Variants in ZBTB5 observed in about 807,000 individuals in gnomAD.
ZBTB5 encodes the protein zinc finger and BTB domain containing 5, also known as zinc finger and BTB domain-containing protein 5.
A neutral mutation model predicts 37.9 loss-of-function variants in ZBTB5; 15 were observed. The observed-to-expected ratio is 0.40, with a 90% CI of 0.26 to 0.61. The LOEUF (loss-of-function observed/expected upper bound fraction) is 0.61, where lower values mean the gene tolerates loss of function less well. Among genes scored for constraint, ZBTB5 ranks in the 20% least tolerant of loss-of-function variants. The pLI, the probability that ZBTB5 is intolerant of heterozygous loss-of-function variation, is 0.47. For synonymous variants in ZBTB5, 315 were observed against 312.4 expected (o/e 1.01, Z -0.09); for missense variants, 708 against 856.8 (o/e 0.83, Z 2.17).
chr9:37,442,631 A>T, intron 1 of ZBTB5, 76 bp from the exon 2 acceptor site: 1 of 1,235,962 alleles, frequency 8.1e-7, no homozygotes, highest in Non-Finnish European at 1.1e-6. Context: ...TATGATGAAA[A>T]GAGTGGAATG....
chr9:37,448,959 G>A (rs1020139304), intron 1 of ZBTB5, among the ~76,000 whole-genome samples: 29 of 151,496 alleles, frequency 1.9e-4, no homozygotes, highest in Admixed American at 4.0e-4. Context: ...CAGGAGAATC[G>A]CTTGAACCCA....
At chr9:37,456,889 C>A (rs1235839404) in intron 1 of ZBTB5, among the ~76,000 whole-genome samples, 1 of 152,102 alleles carries the variant, frequency 6.6e-6, no homozygotes, top group Non-Finnish European at 1.5e-5. Context: ...CAGCCAAAAA[C>A]CAGAAGAAAA....
In ZBTB5 at chr9:37,440,376, T is replaced by C; in HGVS notation, c.*142A>G. On this transcript the variant is annotated 3_prime_UTR_variant, in exon 2 of 2. Coordinates refer to ENST00000307750, the MANE Select transcript of ZBTB5 (RefSeq NM_014872.3). ...GAAATGCAGCAGCACAAATACTACA[T>C]GTTAGTTCTCCGGTTATTAGTTGCT... The C allele has an allele frequency of 1.5e-6, 1 of 661,138 alleles. No homozygotes were observed. The allele number at this position is 661,138 out of a possible 1,614,324, so 41.0% of individuals were successfully genotyped here.
intron 1 of ZBTB5, among the ~76,000 whole-genome samples, chr9:37,442,832 TTAG>T (rs1823910448): frequency 1.3e-5 from 2 of 152,190 alleles, no homozygotes; most frequent in Admixed American, 1.3e-4. Context: ...AGGGTCTAAA[TTAG>T]TAAAGACCAG....
rs955595973 is a variant in ZBTB5 at position 37,440,348 on chromosome 9, T to C, written c.*170A>G. ...CCCTTTCCCAAGACGTGCACTTCACTCAGAAATGCAGCAGCACAAATACTA... is the reference window on the plus strand; with the variant it reads ...CCCTTTCCCAAGACGTGCACTTCACCCAGAAATGCAGCAGCACAAATACTA... On this transcript the variant is annotated 3_prime_UTR_variant, in exon 2 of 2. Coordinates refer to ENST00000307750, the MANE Select transcript of ZBTB5 (RefSeq NM_014872.3). 3.2e-6 allele frequency: 2 copies of C among 616,822 alleles called. No homozygotes were observed. Among genetic ancestry groups the C allele is most frequent in the African/African-American group, 3.7e-5 (2 of 54,188 alleles). The allele number at this position is 616,822 out of a possible 1,614,324, so 38.2% of individuals were successfully genotyped here.
chr9:37,441,527 T>A lies in ZBTB5; in HGVS notation c.1025A>T (p.Glu342Val). Reference sequence around the variant, plus strand: ...TGCTTGTGAGGTCACATCGCTCACTTCATCCTGAGGCTCAGGTGAGCTCAG... The same window carrying A: ...TGCTTGTGAGGTCACATCGCTCACTACATCCTGAGGCTCAGGTGAGCTCAG... Reference protein sequence around the residue: ...EPLSSPEPQDEVSDVTSQAEG... With the variant: ...EPLSSPEPQDVVSDVTSQAEG... Residue 342 changes from glutamate (E) to valine (V), a missense_variant, in exon 2 of 2, where the codon GAA becomes GTA. This residue lies in a region of ZBTB5 where 639 missense variants were observed against 690.5 expected (regional missense o/e 0.93). Coordinates refer to ENST00000307750, the MANE Select transcript of ZBTB5 (RefSeq NM_014872.3). 2 of 1,613,058 alleles carry A rather than the reference T, an allele frequency of 1.2e-6. No homozygotes were observed. Among genetic ancestry groups the A allele is most frequent in the Non-Finnish European group, 1.7e-6 (2 of 1,179,880 alleles).
At chr9:37,458,103 T>C (rs1305660789) in intron 1 of ZBTB5, among the ~76,000 whole-genome samples, 10 of 152,216 alleles carry the variant, frequency 6.6e-5, no homozygotes, top group Admixed American at 2.0e-4. Flanking sequence ...TGAAAGGCTA[T>C]TAGTTTGATC....
At position 37,442,019 on chromosome 9, in the gene ZBTB5, T is replaced by G. The variant is rs763282893; in HGVS notation, c.533A>C (p.Asn178Thr). Residue 178 changes from asparagine (N) to threonine (T), a missense_variant, in exon 2 of 2, where the codon AAC (asparagine) becomes ACC (threonine). Physicochemically the swap from Asn to Thr is moderately conservative, Grantham distance 65. Around this residue, in one of 3 missense-constraint regions of ZBTB5, gnomAD observed 639 missense variants for 690.5 expected, o/e 0.93. Coordinates refer to ENST00000307750, the MANE Select transcript of ZBTB5 (RefSeq NM_014872.3). ...GGGGAAGGGCGTGCGCTGATCCAGG[T>G]TACTGCGCATGGAAGAGCTCATGGG... ...PAPMSSSMRS[N>T]LDQRTPFPMR... 4.3e-6 allele frequency: 7 copies of G among 1,613,864 alleles called. No individual in the cohort carries two copies. The highest frequency in any genetic ancestry group is 5.9e-6 in the Non-Finnish European group (7 of 1,180,034).
chr9:37,463,321 A>G (rs528786731), intron 1 of ZBTB5, among the ~76,000 whole-genome samples: 1 of 152,234 alleles, frequency 6.6e-6, no homozygotes, highest in Non-Finnish European at 1.5e-5. Flanking sequence ...GCTCTACTAG[A>G]CAACATCCAT....
chr9:37,465,051 G>A (rs975129212), intron 1 of ZBTB5, among the ~76,000 whole-genome samples, 164 bp downstream of exon 1: 1 of 152,136 alleles, frequency 6.6e-6, no homozygotes, highest in African/African-American at 2.4e-5. Flanking sequence ...CTGGCCCCTT[G>A]GCTCCAACGG....
intron 1 of ZBTB5, among the ~76,000 whole-genome samples, chr9:37,463,829 G>A (rs1430845871): frequency 1.3e-5 from 2 of 152,140 alleles, no homozygotes; most frequent in African/African-American, 4.8e-5. Flanking sequence ...CAAATCTCTA[G>A]TAAACGAGTT....
At chr9:37,454,445 G>A (rs763666419) in intron 1 of ZBTB5, among the ~76,000 whole-genome samples, 7 of 152,200 alleles carry the variant, frequency 4.6e-5, no homozygotes, top group Non-Finnish European at 7.3e-5. Flanking sequence ...GGAGGAGAGT[G>A]TGGCAAGCAA....
At chr9:37,461,969 T>C (rs1028524339) in intron 1 of ZBTB5, among the ~76,000 whole-genome samples, 4 of 152,144 alleles carry the variant, frequency 2.6e-5, no homozygotes, top group African/African-American at 7.2e-5. Context: ...GGAAAATTTA[T>C]TGGTTACAAT....
At chr9:37,451,493 G>T (rs1824102660) in intron 1 of ZBTB5, among the ~76,000 whole-genome samples, 1 of 141,880 alleles carries the variant, frequency 7.0e-6, no homozygotes, top group Admixed American at 7.4e-5. Context: ...GGGAGATGGA[G>T]ATTGCACTGA....
intron 1 of ZBTB5, among the ~76,000 whole-genome samples, chr9:37,455,336 C>G (rs2118952458): frequency 6.6e-6 from 1 of 152,284 alleles, no homozygotes; most frequent in East Asian, 1.9e-4. Flanking sequence ...CCCTTTCCAG[C>G]TCCCCATCCA....
chr9:37,459,441 CAA>C (rs1824248962), intron 1 of ZBTB5, among the ~76,000 whole-genome samples: 1 of 148,404 alleles, frequency 6.7e-6, no homozygotes, highest in Non-Finnish European at 1.5e-5. Flanking sequence ...GTCTGGGCAA[CAA>C]GAGCAAAACT....
chr9:37,456,452 G>A (rs1161903480), intron 1 of ZBTB5, among the ~76,000 whole-genome samples: 1 of 152,216 alleles, frequency 6.6e-6, no homozygotes, highest in Non-Finnish European at 1.5e-5. Flanking sequence ...TGCTCTGTCA[G>A]GGTTGGCTCA....
chr9:37,447,486 C>T (rs1386982859), intron 1 of ZBTB5, among the ~76,000 whole-genome samples: 1 of 151,880 alleles, frequency 6.6e-6, no homozygotes, highest in African/African-American at 2.4e-5. Flanking sequence ...TTTTTTGAGA[C>T]AGGGTTTCAC....
intron 1 of ZBTB5, among the ~76,000 whole-genome samples, chr9:37,446,352 TAACTG>T (rs2118938971): frequency 6.6e-6 from 1 of 152,234 alleles, no homozygotes; most frequent in Admixed American, 6.5e-5. Context: ...TCCTGGGAAA[TAACTG>T]AAATGGCAAA....
Sources: gnomAD v4.1 joint callset for allele counts (sites outside exome capture counted in the v4.1 genomes callset) on GRCh38, gnomAD v4.1.1 for gene constraint, gnomAD v4.1.1 regional missense constraint, MANE v1.5 for transcripts, NCBI Gene and HGNC (gene_info 2026-07-23, HGNC 2026-07-21) for gene names.